The following ZC3H13 variants were observed in gnomAD, a reference collection of about 807,000 sequenced individuals.
ZC3H13 encodes the protein zinc finger CCCH domain-containing protein 13.
ZC3H13 carries 64 observed loss-of-function variants against 204.1 expected under a neutral mutation model. That is an observed-to-expected ratio of 0.31 (90% CI 0.26 to 0.39). The LOEUF is 0.39. Among genes scored for constraint, ZC3H13 ranks in the 10% least tolerant of loss-of-function variants. The pLI is 1.00. For synonymous variants in ZC3H13, 667 were observed against 693.7 expected (o/e 0.96, Z 0.60); for missense variants, 1,833 against 2,082.7 (o/e 0.88, Z 2.33).
chr13:45,992,935 G>A (rs2138331109), intron 8 of ZC3H13, among the ~76,000 whole-genome samples: 1 of 152,222 alleles, frequency 6.6e-6, no homozygotes, highest in South Asian at 2.1e-4. Context: ...CAGCTTTCCT[G>A]GGTCTCCAGC....
At chr13:46,033,365 T>C (rs1381019583) in intron 4 of ZC3H13, among the ~76,000 whole-genome samples, 2 of 152,080 alleles carry the variant, frequency 1.3e-5, no homozygotes, top group East Asian at 3.8e-4. Context: ...TTAAGAACTA[T>C]ATAGAAACCT....
intron 4 of ZC3H13, among the ~76,000 whole-genome samples, chr13:46,025,274 A>C (rs2042472776): frequency 6.6e-6 from 1 of 152,070 alleles, no homozygotes; most frequent in African/African-American, 2.4e-5. Flanking sequence ...CCATCTATCT[A>C]CCTATCTTAT....
chr13:46,001,937 CAATT>C (rs2040774238), intron 8 of ZC3H13, among the ~76,000 whole-genome samples: 1 of 139,052 alleles, frequency 7.2e-6, no homozygotes. Flanking sequence ...CAAGAAGACA[CAATT>C]AACAGAGTGA....
chr13:46,010,296 G>T (rs771094385), intron 7 of ZC3H13, 52 bp downstream of exon 7: 2 of 1,466,148 alleles, frequency 1.4e-6, no homozygotes, highest in Non-Finnish European at 1.8e-6. Context: ...ATTCTTTTTA[G>T]TATCACTTCA....
chr13:46,047,273 T>C (rs945469620), intron 1 of ZC3H13, among the ~76,000 whole-genome samples: 3 of 152,154 alleles, frequency 2.0e-5, no homozygotes, highest in Non-Finnish European at 2.9e-5. Context: ...TTGGAAAATC[T>C]ATATTTTTAT....
intron 4 of ZC3H13, among the ~76,000 whole-genome samples, chr13:46,025,262 A>G (rs1439357230): frequency 6.6e-6 from 1 of 152,138 alleles, no homozygotes; most frequent in Non-Finnish European, 1.5e-5. Flanking sequence ...TTCTCCTATC[A>G]TCCATCTATC....
chr13:46,042,899 C>T (rs962613438), intron 3 of ZC3H13, among the ~76,000 whole-genome samples: 1 of 151,774 alleles, frequency 6.6e-6, no homozygotes, highest in African/African-American at 2.4e-5. Flanking sequence ...ATAAAGGATT[C>T]AAGGCAATTT....
At chr13:45,997,988 G>C (rs1416076339) in intron 8 of ZC3H13, among the ~76,000 whole-genome samples, 1 of 152,100 alleles carries the variant, frequency 6.6e-6, no homozygotes, top group Non-Finnish European at 1.5e-5. Context: ...CTTTAGAACA[G>C]GTATTTAAGT....
intron 4 of ZC3H13, among the ~76,000 whole-genome samples, chr13:46,041,579 G>A (rs943117235): frequency 1.3e-5 from 2 of 152,084 alleles, no homozygotes; most frequent in African/African-American, 4.8e-5. Flanking sequence ...AATATGGTAT[G>A]ATAAATTTCT....
At chr13:46,039,651 G>C (rs1482628680) in intron 4 of ZC3H13, among the ~76,000 whole-genome samples, 1 of 151,924 alleles carries the variant, frequency 6.6e-6, no homozygotes. Context: ...TAAATTTTTA[G>C]GAATTCTGGA....
chr13:45,963,593 A>G (rs919164832), intron 17 of ZC3H13: 16 of 1,259,668 alleles, frequency 1.3e-5, no homozygotes, highest in African/African-American at 7.7e-5. Flanking sequence ...TGGCCTGTTA[A>G]TAAGTAATTT....
intron 8 of ZC3H13, among the ~76,000 whole-genome samples, chr13:45,993,400 G>A (rs1294811460): frequency 6.6e-6 from 1 of 152,198 alleles, no homozygotes; most frequent in Non-Finnish European, 1.5e-5. Flanking sequence ...TTTGAGCCAA[G>A]TGCTGAAGAT....
At chr13:46,031,382 G>C (rs1265824027) in intron 4 of ZC3H13, among the ~76,000 whole-genome samples, 1 of 151,948 alleles carries the variant, frequency 6.6e-6, no homozygotes, top group Non-Finnish European at 1.5e-5. Flanking sequence ...CCTTGGGTAT[G>C]GCAATGACAT....
chr13:46,025,862 C>T (rs920335536), intron 4 of ZC3H13, among the ~76,000 whole-genome samples: 2 of 148,124 alleles, frequency 1.4e-5, no homozygotes, highest in Non-Finnish European at 3.0e-5. Context: ...TGTTTTCAAA[C>T]CTTTATAATT....
At chr13:46,025,444 ACTGGTACATACCACTACGCCCAG>A (rs2042484807) in intron 4 of ZC3H13, among the ~76,000 whole-genome samples, 2 of 152,012 alleles carry the variant, frequency 1.3e-5, no homozygotes, top group African/African-American at 4.8e-5. Flanking sequence ...AGCTGGAACT[ACTGGTACATACCACTACGCCCAG>A]CTAATTAAAA....
chr13:46,050,390 TA>T lies in ZC3H13; in HGVS notation c.-10+2013del, dbSNP rs2044319492. ...GTTCTAGTATCTTCACTTCAATCCA[TA>T]ATTAATTATCTTTTCCAGGTCTCAT... is the stretch of plus-strand genomic sequence containing the variant. On this transcript the variant is annotated intron_variant, in intron 1 of 18. Transcript: ENST00000679008. Among the ~76,000 whole-genome samples the T allele has an allele frequency of 2.6e-5, 4 of 152,168 alleles. No homozygotes were observed. In the South Asian group the frequency reaches 8.3e-4, roughly 31 times the overall value.
At position 46,020,565 on chromosome 13, in the gene ZC3H13, A is replaced by T. The variant is rs1237114472; in HGVS notation, c.340-8T>A. On this transcript the variant is annotated splice_region_variant and splice_polypyrimidine_tract_variant and intron_variant, in intron 4 of 18. Coordinates refer to ENST00000679008, the MANE Select transcript of ZC3H13 (RefSeq NM_001330564.2). ...CCCTCTTGAAGATTCTTTCTAAAAA[A>T]GTACATACATACATTCAGATTACTA... 8.3e-6 allele frequency: 13 copies of T among 1,557,670 alleles called. No individual in the cohort carries two copies. The highest frequency in any genetic ancestry group is 1.1e-5 in the Non-Finnish European group (12 of 1,136,348).
intron 4 of ZC3H13, among the ~76,000 whole-genome samples, chr13:46,040,391 A>G (rs1293304821): frequency 6.6e-6 from 1 of 152,140 alleles, no homozygotes; most frequent in African/African-American, 2.4e-5. Flanking sequence ...GGATATCCAC[A>G]TGCAAAAGAA....
At chr13:46,047,022 T>G (rs1382738921) in intron 1 of ZC3H13, among the ~76,000 whole-genome samples, 5 of 152,146 alleles carry the variant, frequency 3.3e-5, no homozygotes, top group Non-Finnish European at 7.4e-5. Context: ...TTTCATTTAG[T>G]CTCTATAAAG....
Sources: allele counts gnomAD v4.1 joint callset (sites outside exome capture counted in the v4.1 genomes callset), GRCh38; gene constraint gnomAD v4.1.1; transcripts MANE v1.5; gene names NCBI Gene and HGNC (gene_info 2026-07-23, HGNC 2026-07-21).